PTK7: variants seen among roughly 807,000 people sequenced by gnomAD.
PTK7 encodes protein tyrosine kinase 7 (inactive).
In PTK7, 39 loss-of-function variants were observed where a neutral mutation model predicts 116.6. The ratio of observed to expected loss-of-function variants is 0.33; its 90% CI spans 0.26 to 0.44. The LOEUF is 0.44. PTK7 is among the 20% of genes least tolerant of loss of function. The pLI, the probability that PTK7 is intolerant of heterozygous loss-of-function variation, is 1.00. For synonymous variants in PTK7, 546 were observed against 563.6 expected, an observed-to-expected ratio of 0.97 and a Z score of 0.44; for missense variants, 1,169 against 1,425.6, an observed-to-expected ratio of 0.82 and a Z score of 2.90.
At chr6:43,142,698 ACT>A in intron 13 of PTK7, 1 of 280,896 alleles carries the variant, frequency 3.6e-6, no homozygotes, top group Non-Finnish European at 7.0e-6. Flanking sequence ...CCTGCACTTA[ACT>A]CTCTGCCCCT....
chr6:43,080,757 C>T (rs1040912647), intron 1 of PTK7, among the ~76,000 whole-genome samples: 1 of 152,196 alleles, frequency 6.6e-6, no homozygotes, highest in African/African-American at 2.4e-5. Flanking sequence ...GCCTGGACAA[C>T]ATGGTGAAGC....
intron 13 of PTK7, 188 bp downstream of exon 13, chr6:43,142,487 T>A: frequency 1.1e-6 from 1 of 935,018 alleles, no homozygotes; most frequent in Non-Finnish European, 1.7e-6. Flanking sequence ...GTCGTTTATT[T>A]AACATCCAAC....
In PTK7 at chr6:43,142,162, C is replaced by T; in HGVS notation, c.1920-10C>T. The stretch of plus-strand genomic sequence containing the variant: ...CGAGCTGGCCAGCACTATGGCTTCT[C>T]CCCCGACAGGATGCACATCTTCCAG... On this transcript the variant is annotated splice_polypyrimidine_tract_variant and intron_variant, in intron 12 of 19. Transcript: ENST00000230419. 6.2e-7 allele frequency: 1 copy of T among 1,613,836 alleles called. No homozygotes were observed.
At chr6:43,085,098 C>T (rs149321949) in intron 1 of PTK7, among the ~76,000 whole-genome samples, 126 of 152,308 alleles carry the variant, frequency 8.3e-4, no homozygotes, top group African/African-American at 2.8e-3. Context: ...TCAGTTTCCT[C>T]GTGAGCACAA....
rs569033503 is a variant in PTK7, at chr6:43,134,596, A to G, written c.1228+1909A>G. 1.1e-4 allele frequency among the ~76,000 whole-genome samples: 16 copies of G among 152,098 alleles called. 1 individual carries two copies. Among genetic ancestry groups the G allele is most frequent in the African/African-American group, 3.6e-4 (15 of 41,518 alleles). ...GGAGTTCGAGATCAGCCTGACCAACATGGTGAAACCCCGTCTCTACTAAAA... is the reference window on the plus strand; with the variant it reads ...GGAGTTCGAGATCAGCCTGACCAACGTGGTGAAACCCCGTCTCTACTAAAA... On this transcript the variant is annotated intron_variant, in intron 7 of 19. Coordinates refer to ENST00000230419, the MANE Select transcript of PTK7 (RefSeq NM_002821.5).
chr6:43,138,180 G>GT (rs11317983), intron 7 of PTK7, among the ~76,000 whole-genome samples: 75 of 151,492 alleles, frequency 5.0e-4, no homozygotes, highest in South Asian at 2.5e-3. Context: ...TGGGGGGTTT[G>GT]TTTTTTTTGT....
intron 7 of PTK7, among the ~76,000 whole-genome samples, chr6:43,134,237 C>G (rs1289204053): frequency 7.9e-5 from 12 of 152,086 alleles, no homozygotes; most frequent in African/African-American, 2.9e-4. Context: ...CGATGTTTTA[C>G]CATGTTGGCC....
At chr6:43,133,097 T>C in intron 7 of PTK7, 1 of 384,454 alleles carries the variant, frequency 2.6e-6, no homozygotes. Context: ...AAAGGTCAAA[T>C]GAAGTAGATG....
chr6:43,096,018 G>T (rs1202594382), intron 1 of PTK7, among the ~76,000 whole-genome samples: 1 of 152,108 alleles, frequency 6.6e-6, no homozygotes, highest in Non-Finnish European at 1.5e-5. Context: ...GCCTAGTTTG[G>T]GTCTAATGCC....
chr6:43,128,430 G>C (rs1242425140), intron 1 of PTK7, among the ~76,000 whole-genome samples: 1 of 152,206 alleles, frequency 6.6e-6, no homozygotes, highest in Non-Finnish European at 1.5e-5. Flanking sequence ...CTAGTCTTCA[G>C]ACCTCTTGAG....
rs1160655611 is a variant in PTK7 at position 43,143,169 on chromosome 6, C to T, written c.2048-248C>T. 2.7e-5 allele frequency: 13 copies of T among 483,944 alleles called. No individual in the cohort carries two copies. The highest frequency in any genetic ancestry group is 5.4e-4 in the Middle Eastern group (1 of 1,838). The allele number at this position is 483,944 out of a possible 1,614,324, so 30.0% of individuals were successfully genotyped here. A position where few individuals can be genotyped will look rare whatever the true frequency, so the allele number is the denominator to read the frequency against. On this transcript the variant is annotated intron_variant, in intron 13 of 19. Coordinates refer to ENST00000230419, the MANE Select transcript of PTK7 (RefSeq NM_002821.5). The surrounding 1 kb of genome is among the most constrained non-coding windows in gnomAD (Gnocchi z 4.2). ...TAGCTCCTTGACAGGTGTGCTTATC[C>T]GTGTCGCCTGTCTTGGCTTCCGATG... is the stretch of plus-strand genomic sequence containing the variant.
At chr6:43,102,794 C>G (rs1222391733) in intron 1 of PTK7, among the ~76,000 whole-genome samples, 1 of 151,920 alleles carries the variant, frequency 6.6e-6, no homozygotes, top group Non-Finnish European at 1.5e-5. Flanking sequence ...ATAATAAAGT[C>G]ACTACTATTT....
intron 17 of PTK7, among the ~76,000 whole-genome samples, chr6:43,153,589 C>G (rs961826500): frequency 1.3e-5 from 2 of 151,988 alleles, no homozygotes; most frequent in African/African-American, 4.8e-5. Flanking sequence ...TTTAAATGTT[C>G]TTTAGAGAAT....
chr6:43,118,659 C>CTA lies in PTK7; in HGVS notation c.80-10290_80-10289dup, dbSNP rs58935341. On this transcript the variant is annotated intron_variant, in intron 1 of 19. Coordinates refer to ENST00000230419, the MANE Select transcript of PTK7 (RefSeq NM_002821.5). The stretch of plus-strand genomic sequence containing the variant: ...TCTCTCTCTCTCTCTCTCTCTCTCT[C>CTA]TATATATATATATATATATATATAT... 6.7e-3 allele frequency among the ~76,000 whole-genome samples: 357 copies of CTA among 52,930 alleles called. 4 individuals carry two copies. The highest frequency in any genetic ancestry group is 0.014 in the Middle Eastern group (1 of 74). The allele number at this position is 52,930 out of a possible 152,430, so 34.7% of individuals were successfully genotyped here. A position where few individuals can be genotyped will look rare whatever the true frequency, so the allele number is the denominator to read the frequency against.
Position 43,150,461 on chromosome 6 carries a change from CTGGAAAGATAGCAAG to C in PTK7, c.2721+3765_2721+3779del, listed in dbSNP as rs1326379932. 2.6e-5 allele frequency among the ~76,000 whole-genome samples: 4 copies of C among 152,324 alleles called. No individual in the cohort carries two copies. The South Asian group carries it at 6.2e-4, about 24-fold the overall frequency. ...CTTGCTTTCCGGAAGCACCACCTCT[CTGGAAAGATAGCAAG>C]TCAGTTACCATGCCAAGTCCACCTT... On this transcript the variant is annotated intron_variant, in intron 17 of 19. Transcript: ENST00000230419.
At chr6:43,099,962 C>G (rs983987824) in intron 1 of PTK7, among the ~76,000 whole-genome samples, 1 of 152,128 alleles carries the variant, frequency 6.6e-6, no homozygotes, top group African/African-American at 2.4e-5. Context: ...ATTCTCCTGC[C>G]TCAGCCTCCC....
chr6:43,146,781 C>G (rs919656430), intron 17 of PTK7, 83 bp downstream of exon 17: 5 of 1,205,378 alleles, frequency 4.1e-6, no homozygotes, highest in East Asian at 2.3e-5. Flanking sequence ...ATTGAGGGCT[C>G]TCTATGGGCC....
At chr6:43,105,925 G>T (rs919693702) in intron 1 of PTK7, among the ~76,000 whole-genome samples, 3 of 152,174 alleles carry the variant, frequency 2.0e-5, no homozygotes, top group Non-Finnish European at 4.4e-5. Context: ...GTGGTAATTT[G>T]TTATGGCAGC....
chr6:43,147,930 G>A (rs78394383), intron 17 of PTK7, among the ~76,000 whole-genome samples: 7,468 of 152,242 alleles, frequency 0.049, 253 homozygotes, highest in Admixed American at 0.083. Flanking sequence ...CAGAGCCAGT[G>A]ACTCCTCACT....
Sources: allele counts gnomAD v4.1 joint callset (sites outside exome capture counted in the v4.1 genomes callset), GRCh38; gene constraint gnomAD v4.1.1; non-coding constraint Gnocchi (gnomAD v3.1); transcripts MANE v1.5; gene names NCBI Gene and HGNC (gene_info 2026-07-23, HGNC 2026-07-21).